Variants in CACNA1S observed in about 807,000 individuals in gnomAD.
The protein encoded by CACNA1S is calcium voltage-gated channel subunit alpha1 S.
A neutral mutation model predicts 207.4 loss-of-function variants in CACNA1S; 126 were observed. The ratio of observed to expected loss-of-function variants is 0.61; its 90% CI spans 0.53 to 0.70. The LOEUF (loss-of-function observed/expected upper bound fraction) is 0.70. CACNA1S is among the 30% of genes least tolerant of loss of function. CACNA1S has a pLI of 0.00. For missense variants in CACNA1S, 2,349 were observed against 2,422.8 expected, an observed-to-expected ratio of 0.97 and a Z score of 0.64; for synonymous variants, 960 against 932.7, an observed-to-expected ratio of 1.03 and a Z score of -0.53.
intron 2 of CACNA1S, among the ~76,000 whole-genome samples, chr1:201,100,676 G>A (rs1036287164): frequency 2.0e-5 from 3 of 152,184 alleles, no homozygotes; most frequent in African/African-American, 4.8e-5. Context: ...ATGGGGCTGA[G>A]GGTCCCAGTA....
At chr1:201,040,122 G>A in intron 43 of CACNA1S, 40 bp from the exon 44 acceptor site, 1 of 1,612,834 alleles carries the variant, frequency 6.2e-7, no homozygotes, top group Non-Finnish European at 8.5e-7. Flanking sequence ...TCTTCCTGGG[G>A]AGCCACATTT....
intron 32 of CACNA1S, among the ~76,000 whole-genome samples, chr1:201,051,799 C>G (rs1486042054): frequency 6.6e-6 from 1 of 152,204 alleles, no homozygotes; most frequent in Non-Finnish European, 1.5e-5. Context: ...TAGCTCCCTT[C>G]CTTCCTAGAG....
At position 201,073,568 on chromosome 1, in the gene CACNA1S, C is replaced by T. The variant is rs1255214206; in HGVS notation, c.2138G>A (p.Gly713Asp). The T allele has an allele frequency of 6.2e-7, 1 of 1,613,728 alleles. No homozygotes were observed. Among genetic ancestry groups the T allele is most frequent in the Non-Finnish European group, 8.5e-7 (1 of 1,179,558 alleles). The change falls in exon 15 of 44, where the codon GGC becomes GAC. Residue 713 changes from glycine (G) to aspartate (D), a missense_variant. Coordinates refer to ENST00000362061, the MANE Select transcript of CACNA1S (RefSeq NM_000069.3). ...KKLEQKPKGE[G>D]IPTTAKLKID... ...GCTCACCTTGGCAGTGGTGGGGATG[C>T]CCTCACCCTTGGGTTTCTGCTCCAG...
intron 2 of CACNA1S, among the ~76,000 whole-genome samples, chr1:201,106,459 T>C (rs1165158499): frequency 6.6e-6 from 1 of 152,166 alleles, no homozygotes; most frequent in Non-Finnish European, 1.5e-5. Context: ...CCTCTCCCGC[T>C]TGGCCTTCTA....
chr1:201,061,890 C>A, intron 24 of CACNA1S, 54 bp downstream of exon 24: 1 of 1,607,800 alleles, frequency 6.2e-7, no homozygotes, highest in Non-Finnish European at 8.5e-7. Context: ...AGGCTGGCTG[C>A]CTGGTCCTAC....
intron 2 of CACNA1S, among the ~76,000 whole-genome samples, chr1:201,098,020 C>A (rs933298129): frequency 2.6e-5 from 4 of 152,226 alleles, no homozygotes; most frequent in Admixed American, 2.6e-4. Flanking sequence ...CTCTCACCCC[C>A]CAACTGTCTA....
At chr1:201,079,328 G>A (rs1364327351) in intron 10 of CACNA1S, among the ~76,000 whole-genome samples, 4 of 151,904 alleles carry the variant, frequency 2.6e-5, no homozygotes, top group African/African-American at 9.7e-5. Context: ...CTCTCCAGGG[G>A]CATCGATCTG....
At chr1:201,055,024 C>T (rs536501631) in intron 28 of CACNA1S, among the ~76,000 whole-genome samples, 1 of 152,198 alleles carries the variant, frequency 6.6e-6, no homozygotes, top group Non-Finnish European at 1.5e-5. Context: ...GGGCACAGCT[C>T]CTCTGGGGGA....
rs752150855 is a variant in CACNA1S at position 201,049,068 on chromosome 1, G to A, written c.4273C>T (p.Leu1425=). 1 of 1,613,632 alleles carries A rather than the reference G, an allele frequency of 6.2e-7. No homozygotes were observed. The highest frequency in any genetic ancestry group is 1.1e-5 in the South Asian group (1 of 90,900). Residue 1425 remains leucine, a synonymous_variant, in exon 35 of 44, where the codon CTG becomes TTG. Coordinates refer to ENST00000362061, the MANE Select transcript of CACNA1S (RefSeq NM_000069.3). ...AGAGGGGGCTGAATCCTTCTCAGCA[G>A]GGTCACCACGTCCAGGTGTTTGATT... ...GRIKHLDVVT[L]LRRIQPPLGF...
chr1:201,060,490 A>C (rs992663060), intron 26 of CACNA1S, among the ~76,000 whole-genome samples, 168 bp downstream of exon 26: 8 of 152,344 alleles, frequency 5.3e-5, no homozygotes, highest in African/African-American at 1.7e-4. Context: ...GTGCCTGGTG[A>C]CAAGGCCTGT....
intron 6 of CACNA1S, 93 bp from the exon 7 acceptor site, chr1:201,088,022 A>T (rs1662096052): frequency 1.2e-6 from 1 of 825,354 alleles, no homozygotes; most frequent in Admixed American, 2.0e-5. Flanking sequence ...CCTGGGGGAC[A>T]AGGAGAGAAG....
intron 34 of CACNA1S, among the ~76,000 whole-genome samples, chr1:201,049,301 G>A (rs1383837756): frequency 6.6e-6 from 1 of 152,208 alleles, no homozygotes; most frequent in Non-Finnish European, 1.5e-5. Context: ...TACAAAATGG[G>A]TACCCCAAAA....
chr1:201,069,938 A>G (rs1057380621), intron 17 of CACNA1S, among the ~76,000 whole-genome samples: 1 of 152,172 alleles, frequency 6.6e-6, no homozygotes, highest in Admixed American at 6.5e-5. Flanking sequence ...CTCCACAGAG[A>G]CTATGGCCTG....
At chr1:201,083,133 C>T in intron 10 of CACNA1S, 29 bp downstream of exon 10, 1 of 1,612,168 alleles carries the variant, frequency 6.2e-7, no homozygotes, top group African/African-American at 1.3e-5. Context: ...CATGTGCCCT[C>T]CTCCCGGCTT....
chr1:201,062,208 C>T, intron 23 of CACNA1S, 118 bp from the exon 24 acceptor site: 18 of 1,316,318 alleles, frequency 1.4e-5, no homozygotes, highest in South Asian at 1.2e-4. Context: ...GATCTGGGAC[C>T]CAAGGGGACA....
intron 38 of CACNA1S, 102 bp from the exon 39 acceptor site, chr1:201,044,558 T>G (rs750824705): frequency 1.2e-5 from 16 of 1,346,410 alleles, no homozygotes; most frequent in Non-Finnish European, 1.6e-5. Context: ...TTGCCCAGGC[T>G]GGAGTGCAGT....
At position 201,112,278 on chromosome 1, in the gene CACNA1S, G is replaced by C; in HGVS notation, c.62C>G (p.Pro21Arg). The C allele has an allele frequency of 1.2e-6, 2 of 1,613,974 alleles. No homozygotes were observed. The highest frequency in any genetic ancestry group is 1.7e-6 in the Non-Finnish European group (2 of 1,179,986). Reference sequence around the variant, plus strand: ...CCGGGGTGGCCTTGGCAGAATCTCAGGAACTGGCTTCTTGGGCTGTTTCTT... The same window carrying C: ...CCGGGGTGGCCTTGGCAGAATCTCACGAACTGGCTTCTTGGGCTGTTTCTT... ...LRKKQPKKPV[P>R]EILPRPPRAL... The change falls in exon 1 of 44, where the codon CCT becomes CGT. Residue 21 changes from proline (P) to arginine (R), a missense_variant. Pro to Arg is a moderately radical substitution (Grantham distance 103). Transcript: ENST00000362061.
intron 13 of CACNA1S, 139 bp downstream of exon 13, chr1:201,075,356 C>G (rs1661569318): frequency 2.2e-6 from 2 of 919,914 alleles, no homozygotes; most frequent in African/African-American, 3.2e-5. Context: ...GTCCTACCCC[C>G]TACCGCATGG....
At chr1:201,068,161 G>T (rs1306947401) in intron 19 of CACNA1S, among the ~76,000 whole-genome samples, 2 of 151,014 alleles carry the variant, frequency 1.3e-5, no homozygotes, top group African/African-American at 4.9e-5. Context: ...ACTCTTGGAG[G>T]AAAAGGCCTT....
Sources: allele counts gnomAD v4.1 joint callset (sites outside exome capture counted in the v4.1 genomes callset), GRCh38; gene constraint gnomAD v4.1.1; transcripts MANE v1.5; gene names NCBI Gene and HGNC (gene_info 2026-07-23, HGNC 2026-07-21).